Variants in TAAR1 observed in about 807,000 individuals in gnomAD.
The protein encoded by TAAR1 is trace amine associated receptor 1, also known as trace amine-associated receptor 1.
A neutral mutation model predicts 1.2 loss-of-function variants in TAAR1; 1 was observed. That is an observed-to-expected ratio of 0.81 (90% CI 0.29 to 3.86). The LOEUF is 3.86. TAAR1 is among the 30% of genes most tolerant of loss of function. The pLI, the probability that TAAR1 is intolerant of heterozygous loss-of-function variation, is 0.18. For missense variants in TAAR1, 445 were observed against 405.6 expected (o/e 1.10, Z -0.83); for synonymous variants, 153 against 132.2 (o/e 1.16, Z -1.08).
intron 1 of TAAR1, among the ~76,000 whole-genome samples, chr6:132,649,688 A>G (rs1173080816): frequency 6.6e-6 from 1 of 152,174 alleles, no homozygotes; most frequent in Non-Finnish European, 1.5e-5. Flanking sequence ...AAAGCCCCTT[A>G]GAAAACCATC....
rs1414503594 is a variant in TAAR1 at position 132,645,037 on chromosome 6, T to C, written c.967A>G (p.Ile323Val). The C allele has an allele frequency of 1.3e-6, 2 of 1,586,614 alleles. No individual in the cohort carries two copies. The highest frequency in any genetic ancestry group is 1.7e-6 in the Non-Finnish European group (2 of 1,172,680). The part of the protein sequence containing the change: ...KALKMMLFGK[I>V]FQKDSSRCKL... ...CACCTGGATGAATCTTTTTGGAAAA[T>C]TTTACCAAACAGCATCATCTTCAGT... is the stretch of plus-strand genomic sequence containing the variant. Residue 323 changes from isoleucine (I) to valine (V), a missense_variant, in exon 2 of 2, where the codon ATT (isoleucine) becomes GTT (valine). Transcript: ENST00000275216.
At chr6:132,650,490 A>T (rs1256947812) in intron 1 of TAAR1, among the ~76,000 whole-genome samples, 1 of 151,996 alleles carries the variant, frequency 6.6e-6, no homozygotes, top group Non-Finnish European at 1.5e-5. Flanking sequence ...CAGGAATCCT[A>T]CTCCATTTCC....
chr6:132,645,785 C>A lies in TAAR1; in HGVS notation c.219G>T (p.Gly73=), dbSNP rs371135090. The change falls in exon 2 of 2, where the codon GGG becomes GGT. Residue 73 remains glycine (G), a synonymous_variant. Transcript: ENST00000275216. ...CCATACTGTAAGGCATGACCAGACACCCCAGAAGAAAGTCCACAGTGGCCA... is the reference window on the plus strand; with the variant it reads ...CCATACTGTAAGGCATGACCAGACAACCCAGAAGAAAGTCCACAGTGGCCA... ...HSMATVDFLL[G]CLVMPYSMVR... The A allele has an allele frequency of 5.8e-5, 94 of 1,613,566 alleles. No homozygotes were observed. The highest frequency in any genetic ancestry group is 1.3e-4 in the East Asian group (6 of 44,884).
At chr6:132,647,755 A>T (rs1777703786) in intron 1 of TAAR1, among the ~76,000 whole-genome samples, 2 of 152,088 alleles carry the variant, frequency 1.3e-5, no homozygotes, top group Admixed American at 1.3e-4. Context: ...TCTGGCAATG[A>T]AGTCCTATAG....
intron 1 of TAAR1, among the ~76,000 whole-genome samples, chr6:132,650,937 C>T (rs1395611146): frequency 1.3e-5 from 2 of 152,132 alleles, no homozygotes; most frequent in East Asian, 1.9e-4. Context: ...AGAAAGGAAC[C>T]CTTTGAGTCA....
At chr6:132,651,627 T>C (rs1209931930) in intron 1 of TAAR1, among the ~76,000 whole-genome samples, 1 of 152,196 alleles carries the variant, frequency 6.6e-6, no homozygotes, top group Non-Finnish European at 1.5e-5. Flanking sequence ...TCATTTCTAC[T>C]ACTATCACCA....
chr6:132,654,769 A>C (rs1353411578), intron 1 of TAAR1, among the ~76,000 whole-genome samples: 2 of 152,228 alleles, frequency 1.3e-5, no homozygotes, highest in African/African-American at 4.8e-5. Flanking sequence ...TTAGGATCTC[A>C]AGAATTGGGA....
In TAAR1 at chr6:132,646,095, T is replaced by C. The variant is rs1777669633; in HGVS notation, c.-92A>G. On this transcript the variant is annotated 5_prime_UTR_variant, in exon 2 of 2. Coordinates refer to ENST00000275216, the MANE Select transcript of TAAR1 (RefSeq NM_138327.4). ...AATCAGGTTACAGTTCCTTCTCATG[T>C]TTATTTTTTATTTGCACATACTTAT... The C allele has an allele frequency of 2.9e-6, 4 of 1,358,016 alleles. No individual in the cohort carries two copies. Among genetic ancestry groups the C allele is most frequent in the Non-Finnish European group, 3.0e-6 (3 of 1,001,838 alleles). The allele number at this position is 1,358,016 out of a possible 1,614,324, so 84.1% of individuals were successfully genotyped here.
At chr6:132,655,706 A>G (rs12660924) in intron 1 of TAAR1, among the ~76,000 whole-genome samples, 42,126 of 152,030 alleles carry the variant, frequency 0.28, 6,410 homozygotes, top group East Asian at 0.56. Context: ...AGATGCAGAG[A>G]AGCAAAGACA....
At chr6:132,649,239 T>G (rs745798422) in intron 1 of TAAR1, among the ~76,000 whole-genome samples, 1 of 152,136 alleles carries the variant, frequency 6.6e-6, no homozygotes, top group Non-Finnish European at 1.5e-5. Context: ...TTCCTAAAAT[T>G]CTTTTTTTAA....
chr6:132,645,426 A>C lies in TAAR1; in HGVS notation c.578T>G (p.Leu193Arg), dbSNP rs1047454122. 14 of 1,613,688 alleles carry C rather than the reference A, an allele frequency of 8.7e-6. No homozygotes were observed. Among genetic ancestry groups the C allele is most frequent in the African/African-American group, 1.3e-5 (1 of 74,910 alleles). Reference protein sequence around the residue: ...SVFFSKISGVLTFMTSFYIPG... With the variant: ...SVFFSKISGVRTFMTSFYIPG... ...TATATAAAAAGAAGTCATAAAGGTC[A>C]GTACCCCAGATATTTTGCTAAAGAA... is the stretch of plus-strand genomic sequence containing the variant. The change falls in exon 2 of 2, where the codon CTG becomes CGG. Residue 193 changes from leucine to arginine, a missense_variant. Leu to Arg is a moderately radical substitution (Grantham distance 102). Coordinates refer to ENST00000275216, the MANE Select transcript of TAAR1 (RefSeq NM_138327.4).
At chr6:132,656,452 A>G (rs1199825858) in intron 1 of TAAR1, among the ~76,000 whole-genome samples, 2 of 152,164 alleles carry the variant, frequency 1.3e-5, no homozygotes, top group Non-Finnish European at 2.9e-5. Context: ...GATGAAATAT[A>G]TATATAGAAG....
chr6:132,652,754 A>G (rs1406640752), intron 1 of TAAR1, among the ~76,000 whole-genome samples: 3 of 150,940 alleles, frequency 2.0e-5, no homozygotes, highest in Admixed American at 6.6e-5. Flanking sequence ...GGTTTATTTT[A>G]TATTATTGAC....
At position 132,645,872 on chromosome 6, in the gene TAAR1, A is replaced by G; in HGVS notation, c.132T>C (p.Val44=). Residue 44 remains valine, a synonymous_variant, in exon 2 of 2, where the codon GTT becomes GTC. Transcript: ENST00000275216. Reference sequence around the variant, plus strand: ...GTTTGAAGTGTGATATAGAAACAATAACTATCAGATTGCCAACGAGTGTGG... The same window carrying G: ...GTTTGAAGTGTGATATAGAAACAATGACTATCAGATTGCCAACGAGTGTGG... The part of the protein sequence containing the change: ...ILTTLVGNLI[V]IVSISHFKQL... 1 of 1,613,852 alleles carries G rather than the reference A, an allele frequency of 6.2e-7. No homozygotes were observed. The highest frequency in any genetic ancestry group is 8.5e-7 in the Non-Finnish European group (1 of 1,179,800).
chr6:132,654,067 T>TACACCTAGCCAGGTGTAGAGACCATGG (rs1777775795), intron 1 of TAAR1, among the ~76,000 whole-genome samples: 2 of 152,148 alleles, frequency 1.3e-5, no homozygotes, highest in Non-Finnish European at 2.9e-5. Context: ...CTAGCCTCTC[T>TACACCTAGCCAGGTGTAGAGACCATGG]CTCTCTACAC....
At chr6:132,647,008 C>A (rs184401924) in intron 1 of TAAR1, among the ~76,000 whole-genome samples, 1 of 152,126 alleles carries the variant, frequency 6.6e-6, no homozygotes, top group Non-Finnish European at 1.5e-5. Context: ...TGTGGTCCCA[C>A]TTATTAAGGA....
intron 1 of TAAR1, among the ~76,000 whole-genome samples, chr6:132,647,623 G>GAAAAGAAAAA (rs201011015): frequency 9.7e-6 from 1 of 103,070 alleles, no homozygotes; most frequent in Non-Finnish European, 1.8e-5. Context: ...GAAAGAAAAA[G>GAAAAGAAAAA]GAAAGAAAGA....
rs1777621764 is a variant in TAAR1, at chr6:132,643,522, A to G, written c.*1462T>C. Among the ~76,000 whole-genome samples, 1 of 152,064 alleles carries G rather than the reference A, an allele frequency of 6.6e-6. No homozygotes were observed. Reference sequence around the variant, plus strand: ...AGCAAAAATTGATACAGATCATTGAAACAAAATATATACTCCAGAAACAGA... The same window carrying G: ...AGCAAAAATTGATACAGATCATTGAGACAAAATATATACTCCAGAAACAGA... On this transcript the variant is annotated 3_prime_UTR_variant, in exon 2 of 2. Coordinates refer to ENST00000275216, the MANE Select transcript of TAAR1 (RefSeq NM_138327.4).
At chr6:132,658,358 A>G (rs926525083) in intron 1 of TAAR1, among the ~76,000 whole-genome samples, 23 of 152,174 alleles carry the variant, frequency 1.5e-4, no homozygotes, top group African/African-American at 5.3e-4. Context: ...AACACAAACC[A>G]ACAAATAAGA....
Sources: gnomAD v4.1 joint callset for allele counts (sites outside exome capture counted in the v4.1 genomes callset) on GRCh38, gnomAD v4.1.1 for gene constraint, MANE v1.5 for transcripts, NCBI Gene and HGNC (gene_info 2026-07-23, HGNC 2026-07-21) for gene names.